The following NKAIN2 variants were observed in gnomAD, a reference collection of about 807,000 sequenced individuals.
NKAIN2 encodes sodium/potassium-transporting ATPase subunit beta-1-interacting protein 2.
NKAIN2 carries 14 observed loss-of-function variants against 32.6 expected under a neutral mutation model. That is an observed-to-expected ratio of 0.43 (90% CI 0.28 to 0.67). The LOEUF is 0.67. NKAIN2 is among the 30% of genes least tolerant of loss of function. NKAIN2 has a pLI of 0.17. For synonymous variants in NKAIN2, 80 were observed against 87.2 expected, an observed-to-expected ratio of 0.92 and a Z score of 0.46; for missense variants, 198 against 258.3, an observed-to-expected ratio of 0.77 and a Z score of 1.60.
intron 3 of NKAIN2, among the ~76,000 whole-genome samples, chr6:124,477,075 A>T (rs977272170): frequency 7.9e-5 from 12 of 152,084 alleles, no homozygotes; most frequent in Non-Finnish European, 1.3e-4. Flanking sequence ...CTCTGCATTA[A>T]TTTTTTCTGT....
At chr6:124,234,617 C>A (rs568245756) in intron 1 of NKAIN2, among the ~76,000 whole-genome samples, 2 of 152,230 alleles carry the variant, frequency 1.3e-5, no homozygotes, top group South Asian at 4.1e-4. Flanking sequence ...TCTGTATGTA[C>A]TGATAAAATA....
intron 3 of NKAIN2, among the ~76,000 whole-genome samples, chr6:124,453,313 AT>A (rs1776182246): frequency 7.6e-6 from 1 of 130,878 alleles, no homozygotes; most frequent in Non-Finnish European, 1.6e-5. Context: ...CCCCTCATAC[AT>A]GCATATAAAC....
intron 4 of NKAIN2, among the ~76,000 whole-genome samples, chr6:124,714,641 T>C (rs9375364): frequency 0.42 from 63,777 of 151,910 alleles, 13,569 homozygotes; most frequent in African/African-American, 0.45. Context: ...TCGCAGGCCG[T>C]CTAAAGAAGA....
At chr6:123,962,490 C>T (rs1263803047) in intron 1 of NKAIN2, among the ~76,000 whole-genome samples, 2 of 152,180 alleles carry the variant, frequency 1.3e-5, no homozygotes, top group Non-Finnish European at 2.9e-5. Flanking sequence ...GCTGATGCCT[C>T]TTTGAGCTAC....
chr6:124,355,038 C>G (rs1798906342), intron 2 of NKAIN2, among the ~76,000 whole-genome samples: 1 of 149,180 alleles, frequency 6.7e-6, no homozygotes, highest in African/African-American at 2.5e-5. Context: ...CCACTGCACT[C>G]CAGCCTGGGC....
intron 1 of NKAIN2, among the ~76,000 whole-genome samples, chr6:123,813,385 C>T (rs1343003603): frequency 1.3e-5 from 2 of 152,252 alleles, no homozygotes; most frequent in Non-Finnish European, 2.9e-5. Flanking sequence ...ATCAGGTACC[C>T]TATAAGAGAT....
At chr6:124,585,371 A>G (rs1781676991) in intron 3 of NKAIN2, among the ~76,000 whole-genome samples, 1 of 152,200 alleles carries the variant, frequency 6.6e-6, no homozygotes, top group South Asian at 2.1e-4. Context: ...ATACGGTGAG[A>G]TAGAATGAAT....
intron 1 of NKAIN2, among the ~76,000 whole-genome samples, chr6:123,886,800 C>A (rs1250518723): frequency 6.6e-6 from 1 of 152,076 alleles, no homozygotes; most frequent in Admixed American, 6.6e-5. Context: ...TACAATTATT[C>A]CTCAATTGAC....
chr6:123,988,983 T>C (rs1779293033), intron 1 of NKAIN2, among the ~76,000 whole-genome samples: 1 of 151,892 alleles, frequency 6.6e-6, no homozygotes, highest in Non-Finnish European at 1.5e-5. Flanking sequence ...GGTGTTTAAT[T>C]TCGATCTATT....
chr6:124,072,546 C>A (rs926807352), intron 1 of NKAIN2, among the ~76,000 whole-genome samples: 6 of 152,094 alleles, frequency 3.9e-5, no homozygotes, highest in African/African-American at 1.4e-4. Context: ...CAAGCCTCCG[C>A]ATTAAGCCAT....
At chr6:124,431,661 G>A (rs555397460) in intron 3 of NKAIN2, among the ~76,000 whole-genome samples, 1 of 152,152 alleles carries the variant, frequency 6.6e-6, no homozygotes, top group African/African-American at 2.4e-5. Flanking sequence ...TGACCTATAG[G>A]TATTGATTTA....
intron 3 of NKAIN2, among the ~76,000 whole-genome samples, chr6:124,411,579 G>A (rs527870554): frequency 6.6e-6 from 1 of 152,228 alleles, no homozygotes; most frequent in Non-Finnish European, 1.5e-5. Flanking sequence ...TTCCTTTTGT[G>A]GGTAACCTGA....
chr6:124,062,576 G>A (rs1165485440), intron 1 of NKAIN2, among the ~76,000 whole-genome samples: 2 of 152,104 alleles, frequency 1.3e-5, no homozygotes, highest in African/African-American at 4.8e-5. Context: ...TGACAGGCAT[G>A]CAGCAGCACG....
chr6:123,842,662 G>T (rs1353743257), intron 1 of NKAIN2, among the ~76,000 whole-genome samples: 1 of 151,680 alleles, frequency 6.6e-6, no homozygotes, highest in Non-Finnish European at 1.5e-5. Context: ...TTTGACTCTT[G>T]TCTATGTTTT....
intron 3 of NKAIN2, among the ~76,000 whole-genome samples, chr6:124,562,245 G>C (rs578211924): frequency 6.6e-6 from 1 of 152,216 alleles, no homozygotes; most frequent in African/African-American, 2.4e-5. Flanking sequence ...GAGTAAAAAG[G>C]TTTCTTCCTC....
At chr6:124,012,049 G>A (rs1780354137) in intron 1 of NKAIN2, among the ~76,000 whole-genome samples, 2 of 152,036 alleles carry the variant, frequency 1.3e-5, no homozygotes, top group Admixed American at 1.3e-4. Flanking sequence ...AAAAAATTAT[G>A]GAGGAATAAT....
chr6:124,042,627 A>G (rs975528205), intron 1 of NKAIN2, among the ~76,000 whole-genome samples: 2 of 152,104 alleles, frequency 1.3e-5, no homozygotes, highest in African/African-American at 4.8e-5. Context: ...TTATTCTAAG[A>G]CCTGAAATCA....
intron 1 of NKAIN2, among the ~76,000 whole-genome samples, chr6:124,215,739 G>T (rs1791440338): frequency 6.6e-6 from 1 of 152,106 alleles, no homozygotes; most frequent in Non-Finnish European, 1.5e-5. Flanking sequence ...TTCTTTCTTA[G>T]GAATCCATCA....
In NKAIN2 at chr6:123,859,650, C is replaced by A. The variant is rs575147405; in HGVS notation, c.54+55396C>A. ...TCATCTGTAACACTCTCACATTCAT[C>A]ATGTTAGAACAGGGATCATCTAGGT... On this transcript the variant is annotated intron_variant, in intron 1 of 6. Transcript: ENST00000368417. Among the ~76,000 whole-genome samples the A allele has an allele frequency of 1.0e-3, 159 of 152,284 alleles. 1 individual carries two copies. The highest frequency in any genetic ancestry group is 3.8e-3 in the African/African-American group (158 of 41,570).
Sources: gnomAD v4.1 joint callset for allele counts (sites outside exome capture counted in the v4.1 genomes callset) on GRCh38, gnomAD v4.1.1 for gene constraint, MANE v1.5 for transcripts, NCBI Gene and HGNC (gene_info 2026-07-23, HGNC 2026-07-21) for gene names.